The following TEX14 variants were observed in gnomAD, a reference collection of about 807,000 sequenced individuals.
The protein encoded by TEX14 is testis expressed 14, intercellular bridge forming factor.
A neutral mutation model predicts 178.6 loss-of-function variants in TEX14; 168 were observed. That is an observed-to-expected ratio of 0.94 (90% CI 0.83 to 1.07). The LOEUF (loss-of-function observed/expected upper bound fraction) is 1.07. TEX14 is among the 50% of genes least tolerant of loss of function. The pLI is 0.00. For synonymous variants in TEX14, 626 were observed against 634.1 expected (o/e 0.99, Z 0.19); for missense variants, 1,730 against 1,753.6 (o/e 0.99, Z 0.24).
Position 58,602,463 on chromosome 17 carries a change from G to A in TEX14, c.1464C>T (p.Val488=). 1.3e-5 allele frequency: 21 copies of A among 1,614,036 alleles called. No individual in the cohort carries two copies. Among genetic ancestry groups the A allele is most frequent in the Non-Finnish European group, 1.8e-5 (21 of 1,180,026 alleles). ...YYDIVKSGIH[V]KQKDRTMNLQ... ...GGTTCATAGTTCGGTCTTTCTGCTT[G>A]ACGTGGATGCCTGACTTAACAATAT... The change falls in exon 12 of 32, where the codon GTC becomes GTT. Residue 488 remains valine, a synonymous_variant. Coordinates refer to ENST00000349033, the MANE Select transcript of TEX14 (RefSeq NM_031272.5).
intron 21 of TEX14, among the ~76,000 whole-genome samples, chr17:58,577,169 T>C (rs1258812831): frequency 6.6e-6 from 1 of 152,186 alleles, no homozygotes; most frequent in Non-Finnish European, 1.5e-5. Flanking sequence ...GAACAGAAAG[T>C]CAGAGTCAGA....
intron 28 of TEX14, chr17:58,564,192 C>T (rs1165949995): frequency 2.0e-5 from 3 of 152,072 alleles, no homozygotes; most frequent in African/African-American, 7.2e-5. Flanking sequence ...GGGTATATAT[C>T]CAAAAGAATT....
rs146411519 is a variant in TEX14, at chr17:58,611,511, C to T, written c.1006-172G>A. Among the ~76,000 whole-genome samples, 16 of 152,330 alleles carry T rather than the reference C, an allele frequency of 1.1e-4. No homozygotes were observed. The East Asian group carries it at 3.1e-3, about 29-fold the overall frequency. ...AGGCTAAGTGAATGGCCTGACGTCC[C>T]AATGACTCAGGCCCCCTGGATCCAA... On this transcript the variant is annotated intron_variant, in intron 9 of 31. Coordinates refer to ENST00000349033, the MANE Select transcript of TEX14 (RefSeq NM_031272.5).
Position 58,599,245 on chromosome 17 carries a change from G to C in TEX14, c.2100C>G (p.Leu700=). The C allele has an allele frequency of 6.2e-7, 1 of 1,613,884 alleles. No homozygotes were observed. Among genetic ancestry groups the C allele is most frequent in the South Asian group, 1.1e-5 (1 of 91,082 alleles). The change falls in exon 14 of 32, where the codon CTC becomes CTG. Residue 700 remains leucine, a synonymous_variant. Transcript: ENST00000349033. ...FDDWDWQNGS[L]SSLSLPESTR... ...TTGACTCAGGAAGGCTGAGTGAACT[G>C]AGTGAACCGTTTTGCCAGTCCCAGT...
chr17:58,653,788 C>A (rs2046889887), intron 1 of TEX14, among the ~76,000 whole-genome samples: 1 of 152,294 alleles, frequency 6.6e-6, no homozygotes, highest in Admixed American at 6.5e-5. Context: ...CTCAGTGCCC[C>A]CTTTGTGGCA....
At chr17:58,568,452 T>TTA (rs2044449746) in intron 26 of TEX14, among the ~76,000 whole-genome samples, 1 of 152,138 alleles carries the variant, frequency 6.6e-6, no homozygotes, top group Non-Finnish European at 1.5e-5. Context: ...GGGGTGCCCC[T>TTA]CAGGAAATTA....
intron 2 of TEX14, among the ~76,000 whole-genome samples, chr17:58,637,346 G>A (rs2046458374): frequency 6.6e-6 from 1 of 152,248 alleles, no homozygotes; most frequent in South Asian, 2.1e-4. Context: ...TTTGTATGCT[G>A]ATGCTGACTG....
rs555800722 is a variant in TEX14, at chr17:58,660,593, C to A, written c.-1-8591G>T. Reference sequence around the variant, plus strand: ...GTGGGAAGATTAGCCCATGTTCTGTCGGTTGCCGTAGCCCCTAGGGTGGGT... The same window carrying A: ...GTGGGAAGATTAGCCCATGTTCTGTAGGTTGCCGTAGCCCCTAGGGTGGGT... On this transcript the variant is annotated intron_variant, in intron 1 of 31. Transcript: ENST00000349033. 60 of 796,652 alleles carry A rather than the reference C, an allele frequency of 7.5e-5. No individual in the cohort carries two copies. In the South Asian group the frequency reaches 7.7e-4, roughly 10 times the overall value. The allele number at this position is 796,652 out of a possible 1,614,324, so 49.3% of individuals were successfully genotyped here.
At position 58,621,733 on chromosome 17, in the gene TEX14, G is replaced by A; in HGVS notation, c.471C>T (p.Gly157=). 1.2e-6 allele frequency: 2 copies of A among 1,614,238 alleles called. No individual in the cohort carries two copies. The highest frequency in any genetic ancestry group is 1.7e-6 in the Non-Finnish European group (2 of 1,180,036). ...TCTTCTTCAGGAGGTCGTAAGAGAAGCCCTGGATGATGGCCTGCATGTGTG... is the reference window on the plus strand; with the variant it reads ...TCTTCTTCAGGAGGTCGTAAGAGAAACCCTGGATGATGGCCTGCATGTGTG... ...CASHMQAIIQ[G]FSYDLLKKID... The change falls in exon 5 of 32, where the codon GGC becomes GGT. Residue 157 remains glycine (G), a synonymous_variant. Coordinates refer to ENST00000349033, the MANE Select transcript of TEX14 (RefSeq NM_031272.5).
intron 17 of TEX14, among the ~76,000 whole-genome samples, chr17:58,587,328 T>C (rs1171396401): frequency 6.6e-6 from 1 of 152,112 alleles, no homozygotes; most frequent in African/African-American, 2.4e-5. Context: ...ACATTTCTTA[T>C]ACAATATACA....
In TEX14 at chr17:58,587,497, G is replaced by T. The variant is rs1312620774; in HGVS notation, c.2788+84C>A. On this transcript the variant is annotated intron_variant, in intron 17 of 31. Coordinates refer to ENST00000349033, the MANE Select transcript of TEX14 (RefSeq NM_031272.5). ...CTATGGTTCTAAATGTGCAACACAG[G>T]TTGTGTACTTAGAAATATCAACCAC... 3.5e-6 allele frequency: 3 copies of T among 847,484 alleles called. No individual in the cohort carries two copies. The African/African-American group carries it at 5.2e-5, about 15-fold the overall frequency. 52.5% of individuals were successfully genotyped at this position (847,484 alleles called of 1,614,324 possible).
At position 58,556,873 on chromosome 17, in the gene TEX14, T is replaced by C. The variant is rs1327755747; in HGVS notation, c.*138A>G. On this transcript the variant is annotated 3_prime_UTR_variant, in exon 32 of 32. Transcript: ENST00000349033. ...AGAGAGGGCCAAACGATGATGTCTA[T>C]TGTGGCAGCTGAACAAAGTGAGACT... 2.8e-6 allele frequency: 2 copies of C among 719,098 alleles called. No homozygotes were observed. Among genetic ancestry groups the C allele is most frequent in the Admixed American group, 2.2e-5 (1 of 46,214 alleles). 44.5% of individuals were successfully genotyped at this position (719,098 alleles called of 1,614,324 possible). A position where few individuals can be genotyped will look rare whatever the true frequency, so the allele number is the denominator to read the frequency against.
chr17:58,658,106 G>C (rs952539035), intron 1 of TEX14, among the ~76,000 whole-genome samples: 1 of 152,128 alleles, frequency 6.6e-6, no homozygotes, highest in Non-Finnish European at 1.5e-5. Context: ...TGGCTCACTG[G>C]CTTCCCTTTA....
chr17:58,651,008 C>T (rs1406255476), intron 2 of TEX14, among the ~76,000 whole-genome samples: 1 of 152,210 alleles, frequency 6.6e-6, no homozygotes, highest in African/African-American at 2.4e-5. Flanking sequence ...GGGTTCACTC[C>T]TGTAATCCTA....
intron 1 of TEX14, among the ~76,000 whole-genome samples, chr17:58,657,312 G>A (rs2046989743): frequency 6.6e-6 from 1 of 151,802 alleles, no homozygotes; most frequent in Non-Finnish European, 1.5e-5. Flanking sequence ...GCTTGTGCCT[G>A]TTCTTGTCTT....
chr17:58,664,483 T>A (rs902192022), intron 1 of TEX14, among the ~76,000 whole-genome samples: 20 of 152,244 alleles, frequency 1.3e-4, no homozygotes, highest in Non-Finnish European at 2.6e-4. Flanking sequence ...ATGTAGCACA[T>A]ACTTCTCATT....
chr17:58,608,517 A>C (rs1046046492), intron 10 of TEX14, among the ~76,000 whole-genome samples: 3 of 152,234 alleles, frequency 2.0e-5, no homozygotes, highest in Non-Finnish European at 4.4e-5. Context: ...GGGAGGTTGC[A>C]GTGAGCCGAG....
intron 17 of TEX14, among the ~76,000 whole-genome samples, chr17:58,586,373 G>C: frequency 6.6e-6 from 1 of 152,126 alleles, no homozygotes; most frequent in East Asian, 1.9e-4. Flanking sequence ...TTCCTGTGAA[G>C]TTTTAACAGG....
intron 11 of TEX14, among the ~76,000 whole-genome samples, chr17:58,603,886 ACTGT>A (rs1383358812): frequency 2.7e-5 from 2 of 73,364 alleles, no homozygotes; most frequent in African/African-American, 1.3e-4. Flanking sequence ...ATGTGATTTT[ACTGT>A]GTGTGTGTGT....
Sources: allele counts gnomAD v4.1 joint callset (sites outside exome capture counted in the v4.1 genomes callset), GRCh38; gene constraint gnomAD v4.1.1; transcripts MANE v1.5; gene names NCBI Gene and HGNC (gene_info 2026-07-23, HGNC 2026-07-21).